Variants in NALF1 observed in about 807,000 individuals in gnomAD.
NALF1 encodes NALCN channel auxiliary factor 1.
Under a neutral mutation model 48.4 loss-of-function variants are expected in NALF1, and 3 were observed. The ratio of observed to expected loss-of-function variants is 0.06; its 90% confidence interval spans 0.03 to 0.16. The LOEUF is 0.16. Ranked by LOEUF, NALF1 falls within the 10% of genes least tolerant of loss-of-function variation. The pLI, the probability that NALF1 is intolerant of heterozygous loss-of-function variation, is 1.00. For missense variants in NALF1, 526 were observed against 571.5 expected (o/e 0.92, Z 0.81); for synonymous variants, 262 against 245.7 (o/e 1.07, Z -0.62).
intron 1 of NALF1, among the ~76,000 whole-genome samples, chr13:107,740,088 C>A (rs1876588943): frequency 6.6e-6 from 1 of 152,184 alleles, no homozygotes; most frequent in Non-Finnish European, 1.5e-5. Context: ...AACCATCCCT[C>A]TCCCCCAGTC....
At chr13:107,400,839 A>C (rs939396383) in intron 1 of NALF1, among the ~76,000 whole-genome samples, 4 of 152,184 alleles carry the variant, frequency 2.6e-5, no homozygotes, top group African/African-American at 9.6e-5. Flanking sequence ...CAGTTTATGC[A>C]ACAAACCTTC....
intron 1 of NALF1, among the ~76,000 whole-genome samples, chr13:107,412,073 T>C (rs1027460184): frequency 2.6e-5 from 4 of 152,216 alleles, no homozygotes; most frequent in Admixed American, 6.5e-5. Flanking sequence ...TATGAGTGTA[T>C]GTTAAACTCA....
At chr13:107,848,190 T>A (rs145476357) in intron 1 of NALF1, among the ~76,000 whole-genome samples, 1 of 152,342 alleles carries the variant, frequency 6.6e-6, no homozygotes, top group African/African-American at 2.4e-5. Context: ...TGTTAACCTT[T>A]AACTGTTCCC....
intron 1 of NALF1, among the ~76,000 whole-genome samples, chr13:107,710,777 G>GTGTGTATATACACATATA (rs1193748637): frequency 2.2e-5 from 1 of 46,494 alleles, no homozygotes; most frequent in African/African-American, 5.4e-5. Context: ...ACACACATAT[G>GTGTGTATATACACATATA]TGTGTATATA....
intron 1 of NALF1, among the ~76,000 whole-genome samples, chr13:107,650,268 G>A (rs1880418196): frequency 1.3e-5 from 2 of 151,966 alleles, no homozygotes; most frequent in South Asian, 4.2e-4. Flanking sequence ...CTGGCCACCC[G>A]GACCTGGCCT....
At chr13:107,628,254 G>A (rs1566421102) in intron 1 of NALF1, among the ~76,000 whole-genome samples, 2 of 152,144 alleles carry the variant, frequency 1.3e-5, no homozygotes, top group East Asian at 1.9e-4. Flanking sequence ...CTGGTCATTC[G>A]GTGTTATAAA....
At chr13:107,417,768 A>C (rs1305103332) in intron 1 of NALF1, among the ~76,000 whole-genome samples, 1 of 152,128 alleles carries the variant, frequency 6.6e-6, no homozygotes, top group Non-Finnish European at 1.5e-5. Context: ...ATATTCAAAA[A>C]TACATGGGCT....
At chr13:107,633,941 T>G (rs1879905878) in intron 1 of NALF1, among the ~76,000 whole-genome samples, 1 of 149,244 alleles carries the variant, frequency 6.7e-6, no homozygotes, top group South Asian at 2.1e-4. Context: ...TGGATATATA[T>G]ATTCTGTATA....
chr13:107,620,308 C>A (rs189436283), intron 1 of NALF1, among the ~76,000 whole-genome samples: 5 of 152,210 alleles, frequency 3.3e-5, no homozygotes, highest in Non-Finnish European at 5.9e-5. Flanking sequence ...AACATCTGAG[C>A]CACAAAGAGA....
In NALF1 at chr13:107,440,741, G is replaced by A. The variant is rs748031702; in HGVS notation, c.916-229986C>T. ...GAAATTGGATTTTTGTGAACTAACC[G>A]AATTCTCCAAGTTAAAATCTAGGTG... On this transcript the variant is annotated intron_variant, in intron 1 of 2. Transcript: ENST00000375915. Among the ~76,000 whole-genome samples, 8 of 152,112 alleles carry A rather than the reference G, an allele frequency of 5.3e-5. No individual in the cohort carries two copies. In the East Asian group the frequency reaches 5.8e-4, roughly 11 times the overall value.
intron 1 of NALF1, among the ~76,000 whole-genome samples, chr13:107,584,145 T>C (rs906416061): frequency 6.6e-6 from 1 of 152,132 alleles, no homozygotes; most frequent in African/African-American, 2.4e-5. Context: ...ATAGTCTCTC[T>C]ATCCTGTGAA....
At chr13:107,351,985 A>G (rs1247005995) in intron 1 of NALF1, among the ~76,000 whole-genome samples, 1 of 152,232 alleles carries the variant, frequency 6.6e-6, no homozygotes, top group East Asian at 1.9e-4. Flanking sequence ...ACAGGTTATA[A>G]GAAGAGCTAT....
intron 1 of NALF1, among the ~76,000 whole-genome samples, chr13:107,858,337 T>C (rs1023118440): frequency 3.3e-5 from 5 of 152,218 alleles, no homozygotes; most frequent in African/African-American, 4.8e-5. Context: ...TGTTTGTAAA[T>C]ATTTCTAATC....
intron 1 of NALF1, among the ~76,000 whole-genome samples, chr13:107,237,679 A>G (rs775682172): frequency 9.2e-5 from 14 of 152,248 alleles, no homozygotes; most frequent in Non-Finnish European, 1.9e-4. Flanking sequence ...AAATGCAACC[A>G]TCGTAGGCCT....
At chr13:107,513,640 T>G (rs911657740) in intron 1 of NALF1, among the ~76,000 whole-genome samples, 2 of 152,200 alleles carry the variant, frequency 1.3e-5, no homozygotes, top group Non-Finnish European at 2.9e-5. Context: ...TGGGGTTCCA[T>G]GAATAGAAGA....
chr13:107,706,736 A>G (rs1435866777), intron 1 of NALF1, among the ~76,000 whole-genome samples: 1 of 152,198 alleles, frequency 6.6e-6, no homozygotes, highest in African/African-American at 2.4e-5. Flanking sequence ...GACTGGCTCA[A>G]TGATTGGCTA....
chr13:107,857,658 C>A (rs1018459812), intron 1 of NALF1, among the ~76,000 whole-genome samples: 41 of 152,194 alleles, frequency 2.7e-4, no homozygotes, highest in African/African-American at 9.4e-4. Flanking sequence ...TCCAACTGAA[C>A]TTATGTTTTC....
chr13:107,193,611 C>T (rs1879326374), intron 2 of NALF1, among the ~76,000 whole-genome samples: 1 of 152,126 alleles, frequency 6.6e-6, no homozygotes, highest in African/African-American at 2.4e-5. Flanking sequence ...TGGGGCTAAT[C>T]TAACCCCTCC....
intron 1 of NALF1, among the ~76,000 whole-genome samples, chr13:107,801,052 A>G (rs900890797): frequency 6.6e-6 from 1 of 152,202 alleles, no homozygotes; most frequent in African/African-American, 2.4e-5. Flanking sequence ...TGTCAGTTAA[A>G]CTATTTAAAT....
Sources: allele counts gnomAD v4.1 joint callset (sites outside exome capture counted in the v4.1 genomes callset), GRCh38; gene constraint gnomAD v4.1.1; transcripts MANE v1.5; gene names NCBI Gene and HGNC (gene_info 2026-07-23, HGNC 2026-07-21).